SARM1: variants seen among roughly 807,000 people sequenced by gnomAD.
The protein encoded by SARM1 is sterile alpha and TIR motif containing 1, also known as NAD(+) hydrolase SARM1.
In SARM1, 60 loss-of-function variants were observed where a neutral mutation model predicts 65.1. The observed-to-expected ratio is 0.92, with a 90% CI of 0.75 to 1.14. The LOEUF is 1.14. SARM1 is among the 50% of genes most tolerant of loss of function. The pLI, the probability that SARM1 is intolerant of heterozygous loss-of-function variation, is 0.00. For missense variants in SARM1, 913 were observed against 1,015.7 expected, an observed-to-expected ratio of 0.90 and a Z score of 1.37; for synonymous variants, 417 against 465.4, an observed-to-expected ratio of 0.90 and a Z score of 1.34.
intron 7 of SARM1, 108 bp from the exon 8 acceptor site, chr17:28,395,797 C>T (rs1182726630): frequency 2.6e-5 from 32 of 1,246,998 alleles, no homozygotes; most frequent in Non-Finnish European, 3.6e-5. Flanking sequence ...GGACTGGTGT[C>T]CTGCCCTGGG....
In SARM1 at chr17:28,400,875, C is replaced by A; in HGVS notation, c.*4589C>A. Reference sequence around the variant, plus strand: ...GGGAGTAGTCACTTAACCTATGTCTCCCCTTCCTCACCAGTAAATCCTGCT... The same window carrying A: ...GGGAGTAGTCACTTAACCTATGTCTACCCTTCCTCACCAGTAAATCCTGCT... On this transcript the variant is annotated 3_prime_UTR_variant, in exon 9 of 9. Transcript: ENST00000585482. The A allele has an allele frequency of 1.1e-6, 1 of 950,712 alleles. No homozygotes were observed. Among genetic ancestry groups the A allele is most frequent in the South Asian group, 1.4e-5 (1 of 71,258 alleles). The allele number at this position is 950,712 out of a possible 1,614,324, so 58.9% of individuals were successfully genotyped here. A position where few individuals can be genotyped will look rare whatever the true frequency, so the allele number is the denominator to read the frequency against.
rs1334355043 is a variant in SARM1, at chr17:28,401,996, T to C, written c.*5710T>C. 9.7e-6 allele frequency: 4 copies of C among 413,428 alleles called. No individual in the cohort carries two copies. In the Admixed American group the frequency reaches 1.5e-4, roughly 16 times the overall value. The allele number at this position is 413,428 out of a possible 1,614,324, so 25.6% of individuals were successfully genotyped here. A position where few individuals can be genotyped will look rare whatever the true frequency, so the allele number is the denominator to read the frequency against. On this transcript the variant is annotated 3_prime_UTR_variant, in exon 9 of 9. Transcript: ENST00000585482. ...GAGTAAATCCTCTGCTCTGGTTATC[T>C]AGAAAGAACATAATTGTGCTCTGCT...
chr17:28,387,189 G>T (rs1363426399), intron 5 of SARM1, among the ~76,000 whole-genome samples: 1 of 151,692 alleles, frequency 6.6e-6, no homozygotes, highest in Admixed American at 6.6e-5. Flanking sequence ...TCTGGTAGCT[G>T]TGGCAAATGG....
chr17:28,382,000 T>G (rs534252223), intron 2 of SARM1, among the ~76,000 whole-genome samples, 179 bp downstream of exon 2: 1 of 152,186 alleles, frequency 6.6e-6, no homozygotes, highest in East Asian at 1.9e-4. Flanking sequence ...TGGACTTGGT[T>G]TTGGGGGCAA....
Position 28,384,273 on chromosome 17 carries a change from A to C in SARM1, c.1090-84A>C. The C allele has an allele frequency of 1.7e-6, 2 of 1,155,748 alleles. No individual in the cohort carries two copies. Among genetic ancestry groups the C allele is most frequent in the South Asian group, 3.1e-5 (2 of 64,262 alleles). 71.6% of individuals were successfully genotyped at this position (1,155,748 alleles called of 1,614,324 possible). A position where few individuals can be genotyped will look rare whatever the true frequency, so the allele number is the denominator to read the frequency against. ...GATGGAGAGACTTTGGGTTGTGAGA[A>C]GAGACAAGGAGAGGGACTGGGCACG... On this transcript the variant is annotated intron_variant, in intron 2 of 8. Coordinates refer to ENST00000585482, the MANE Select transcript of SARM1 (RefSeq NM_015077.4). The surrounding 1 kb of genome is among the most constrained non-coding windows in gnomAD (Gnocchi z 4.4).
At position 28,402,132 on chromosome 17, in the gene SARM1, TGA is replaced by T. The variant is rs2068203034; in HGVS notation, c.*5850_*5851del. 5 of 925,738 alleles carry T rather than the reference TGA, an allele frequency of 5.4e-6. No individual in the cohort carries two copies. The highest frequency in any genetic ancestry group is 1.8e-5 in the South Asian group (1 of 54,392). 57.3% of individuals were successfully genotyped at this position (925,738 alleles called of 1,614,324 possible). A position where few individuals can be genotyped will look rare whatever the true frequency, so the allele number is the denominator to read the frequency against. On this transcript the variant is annotated 3_prime_UTR_variant, in exon 9 of 9. Transcript: ENST00000585482. ...GTTTTGGCCACTTACTTCTCCAGGGTGAGAGGGGGGAAGGCAAGCTGTTCCCC... is the reference window on the plus strand; with the variant it reads ...GTTTTGGCCACTTACTTCTCCAGGGTGAGGGGGGAAGGCAAGCTGTTCCCC...
chr17:28,381,952 G>A (rs1026300237), intron 2 of SARM1, 131 bp downstream of exon 2: 4 of 1,189,532 alleles, frequency 3.4e-6, no homozygotes, highest in Non-Finnish European at 4.3e-6. Context: ...AAGGAGGAGC[G>A]GGCCAGTCAT....
At chr17:28,387,394 G>C (rs1555586185) in intron 5 of SARM1, among the ~76,000 whole-genome samples, 1 of 151,852 alleles carries the variant, frequency 6.6e-6, no homozygotes, top group Non-Finnish European at 1.5e-5. Context: ...ACCATGCCTG[G>C]ATAATTTTTT....
chr17:28,391,554 T>C (rs1368474706), intron 7 of SARM1, among the ~76,000 whole-genome samples: 2 of 152,008 alleles, frequency 1.3e-5, no homozygotes, highest in Non-Finnish European at 2.9e-5. Context: ...AGGAAGAACA[T>C]GGCTGATAAC....
rs1555587927 is a variant in SARM1 at position 28,396,210 on chromosome 17, A to C, written c.2099A>C (p.Gln700Pro). Residue 700 changes from glutamine (Q) to proline (P), a missense_variant, in exon 9 of 9, where the codon CAG becomes CCG. Coordinates refer to ENST00000585482, the MANE Select transcript of SARM1 (RefSeq NM_015077.4). ...ATTGAGAAGATCATCCGCTTCCTGC[A>C]GGGCCGCTCCTCCCGGGACTCATCT... ...ATIEKIIRFL[Q>P]GRSSRDSSAG... is the part of the protein sequence containing the mutation. The C allele has an allele frequency of 2.5e-6, 4 of 1,613,884 alleles. No homozygotes were observed. In the African/African-American group the frequency reaches 4.0e-5, roughly 16 times the overall value.
Position 28,399,839 on chromosome 17 carries a change from CAAGCTGAG to C in SARM1, c.*3563_*3570del, listed in dbSNP as rs781795728. 2.5e-5 allele frequency: 23 copies of C among 915,902 alleles called. No individual in the cohort carries two copies. Among genetic ancestry groups the C allele is most frequent in the African/African-American group, 8.1e-5 (5 of 61,382 alleles). The allele number at this position is 915,902 out of a possible 1,614,324, so 56.7% of individuals were successfully genotyped here. ...AGCTCTCCTGAACCTCCTCCTTCCC[CAAGCTGAG>C]AAGCTGAGAGCTGGAGGACAATATC... is the stretch of plus-strand genomic sequence containing the variant. On this transcript the variant is annotated 3_prime_UTR_variant, in exon 9 of 9. Transcript: ENST00000585482.
At chr17:28,373,139 G>C (rs1270171722) in intron 1 of SARM1, 4 of 152,474 alleles carry the variant, frequency 2.6e-5, no homozygotes, top group Admixed American at 6.5e-5. Flanking sequence ...ATGGGTGGGG[G>C]AAGAGGACAC....
In SARM1 at chr17:28,385,318, G is replaced by T. The variant is rs4630595; in HGVS notation, c.1630+43G>T. On this transcript the variant is annotated intron_variant, in intron 5 of 8. Transcript: ENST00000585482. The surrounding 1 kb of genome is among the most constrained non-coding windows in gnomAD (Gnocchi z 4.5). Reference sequence around the variant, plus strand: ...GGACCCCGCCCCAGCCCCAGCCCCAGCCACGGCCCTGGAATGGTGAGGGGA... The same window carrying T: ...GGACCCCGCCCCAGCCCCAGCCCCATCCACGGCCCTGGAATGGTGAGGGGA... 7.0e-7 allele frequency: 1 copy of T among 1,429,798 alleles called. No homozygotes were observed. Among genetic ancestry groups the T allele is most frequent in the East Asian group, 2.5e-5 (1 of 40,126 alleles). The allele number at this position is 1,429,798 out of a possible 1,614,324, so 88.6% of individuals were successfully genotyped here. A position where few individuals can be genotyped will look rare whatever the true frequency, so the allele number is the denominator to read the frequency against.
chr17:28,389,656 C>A (rs895491542), intron 7 of SARM1, among the ~76,000 whole-genome samples: 1 of 152,114 alleles, frequency 6.6e-6, no homozygotes, highest in African/African-American at 2.4e-5. Flanking sequence ...GAGGCTGAGG[C>A]AGGAGGATCA....
chr17:28,372,041 G>C lies in SARM1; in HGVS notation c.9G>C (p.Leu3=). The change falls in exon 1 of 9, where the codon CTG becomes CTC. Residue 3 remains leucine, a synonymous_variant. Coordinates refer to ENST00000585482, the MANE Select transcript of SARM1 (RefSeq NM_015077.4). The surrounding 1 kb of genome is among the most constrained non-coding windows in gnomAD (Gnocchi z 5.2). ...CCCGCGGCCCCGCGCCCATGGTCCT[G>C]ACGCTGCTTCTCTCCGCCTACAAGC... is the stretch of plus-strand genomic sequence containing the variant. MV[L]TLLLSAYKLC... 1 of 1,506,954 alleles carries C rather than the reference G, an allele frequency of 6.6e-7. No homozygotes were observed. Among genetic ancestry groups the C allele is most frequent in the East Asian group, 2.8e-5 (1 of 35,884 alleles). 93.3% of individuals were successfully genotyped at this position (1,506,954 alleles called of 1,614,324 possible). A position where few individuals can be genotyped will look rare whatever the true frequency, so the allele number is the denominator to read the frequency against.
chr17:28,385,371 C>A lies in SARM1; in HGVS notation c.1630+96C>A. 1.1e-6 allele frequency: 1 copy of A among 938,704 alleles called. No homozygotes were observed. The highest frequency in any genetic ancestry group is 1.6e-6 in the Non-Finnish European group (1 of 644,760). The allele number at this position is 938,704 out of a possible 1,614,324, so 58.1% of individuals were successfully genotyped here. ...CACGGGGTGGAGCCTTCCAGCCTCG[C>A]CGTGGATTGATTGAGCACAAACGTG... is the stretch of plus-strand genomic sequence containing the variant. On this transcript the variant is annotated intron_variant, in intron 5 of 8. Coordinates refer to ENST00000585482, the MANE Select transcript of SARM1 (RefSeq NM_015077.4). This position sits in a 1 kb window ranked among gnomAD's most constrained non-coding sequence, Gnocchi z 4.5.
chr17:28,403,308 G>C lies in SARM1; in HGVS notation c.*7022G>C, dbSNP rs1249027211. On this transcript the variant is annotated 3_prime_UTR_variant, in exon 9 of 9. Coordinates refer to ENST00000585482, the MANE Select transcript of SARM1 (RefSeq NM_015077.4). ...AAAGGTAACATCTATGAAGAGCATGGCATAGGGACACAGCAAATGGGAGTT... is the reference window on the plus strand; with the variant it reads ...AAAGGTAACATCTATGAAGAGCATGCCATAGGGACACAGCAAATGGGAGTT... The C allele has an allele frequency of 6.6e-6, 1 of 152,246 alleles. No individual in the cohort carries two copies. Among genetic ancestry groups the C allele is most frequent in the Non-Finnish European group, 1.5e-5 (1 of 68,044 alleles). The allele number at this position is 152,246 out of a possible 1,614,324, so 9.4% of individuals were successfully genotyped here. A position where few individuals can be genotyped will look rare whatever the true frequency, so the allele number is the denominator to read the frequency against.
Position 28,381,753 on chromosome 17 carries a change from G to A in SARM1, c.1021G>A (p.Ala341Thr). The A allele has an allele frequency of 6.7e-7, 1 of 1,502,374 alleles. No individual in the cohort carries two copies. The highest frequency in any genetic ancestry group is 8.9e-7 in the Non-Finnish European group (1 of 1,126,300). 93.1% of individuals were successfully genotyped at this position (1,502,374 alleles called of 1,614,324 possible). Reference sequence around the variant, plus strand: ...GTTGCTCGACTCTAACCGCTTGGAGGCGCAGTGCATCGGGGCTTTCTACCT... The same window carrying A: ...GTTGCTCGACTCTAACCGCTTGGAGACGCAGTGCATCGGGGCTTTCTACCT... The part of the protein sequence containing the change: ...VPLLDSNRLE[A>T]QCIGAFYLCA... The change falls in exon 2 of 9, where the codon GCG becomes ACG. Residue 341 changes from alanine to threonine, a missense_variant. Ala to Thr is a moderately conservative substitution (Grantham distance 58). This residue lies in a region of SARM1 where 862 missense variants were observed against 952.1 expected (regional missense o/e 0.91). Transcript: ENST00000585482.
In SARM1 at chr17:28,400,044, C is replaced by T. The variant is rs372715380; in HGVS notation, c.*3758C>T. On this transcript the variant is annotated 3_prime_UTR_variant, in exon 9 of 9. Coordinates refer to ENST00000585482, the MANE Select transcript of SARM1 (RefSeq NM_015077.4). ...TAGTAGCTGGGACTACCAGTGCATACCACCATGCCTGGGTGATTTTTTAAA... is the reference window on the plus strand; with the variant it reads ...TAGTAGCTGGGACTACCAGTGCATATCACCATGCCTGGGTGATTTTTTAAA... 2 of 325,392 alleles carry T rather than the reference C, an allele frequency of 6.1e-6. No homozygotes were observed. The highest frequency in any genetic ancestry group is 2.1e-5 in the African/African-American group (1 of 47,128). 20.2% of individuals were successfully genotyped at this position (325,392 alleles called of 1,614,324 possible).
Sources: allele counts gnomAD v4.1 joint callset (sites outside exome capture counted in the v4.1 genomes callset), GRCh38; gene constraint gnomAD v4.1.1; regional missense constraint gnomAD v4.1.1; non-coding constraint Gnocchi (gnomAD v3.1); transcripts MANE v1.5; gene names NCBI Gene and HGNC (gene_info 2026-07-23, HGNC 2026-07-21).